RSRC1: variants seen among roughly 807,000 people sequenced by gnomAD.
RSRC1 encodes serine/Arginine-related protein 53.
RSRC1 carries 39 observed loss-of-function variants against 49.1 expected under a neutral mutation model. That is an observed-to-expected ratio of 0.79 (90% CI 0.61 to 1.04). The LOEUF is 1.04. Ranked by LOEUF, RSRC1 falls within the 50% of genes least tolerant of loss-of-function variation. The pLI is 0.00. For synonymous variants in RSRC1, 143 were observed against 130.8 expected (o/e 1.09, Z -0.63); for missense variants, 388 against 402.4 (o/e 0.96, Z 0.31).
intron 4 of RSRC1, among the ~76,000 whole-genome samples, chr3:158,227,926 C>T (rs1333468291): frequency 6.6e-6 from 1 of 151,986 alleles, no homozygotes; most frequent in Non-Finnish European, 1.5e-5. Context: ...TAGTTTGTCA[C>T]CTCCTGGTCT....
chr3:158,452,246 G>T (rs867680655), intron 6 of RSRC1, among the ~76,000 whole-genome samples: 2 of 152,044 alleles, frequency 1.3e-5, no homozygotes, highest in East Asian at 1.9e-4. Context: ...TTTAATTTTC[G>T]TGGGCCTTTC....
At chr3:158,533,614 A>G (rs1712540849) in intron 7 of RSRC1, among the ~76,000 whole-genome samples, 2 of 151,702 alleles carry the variant, frequency 1.3e-5, no homozygotes, top group Non-Finnish European at 1.5e-5. Flanking sequence ...AACTCCAAAT[A>G]GAGAATATGT....
In RSRC1 at chr3:158,373,387, G is replaced by A. The variant is rs189626846; in HGVS notation, c.583+18479G>A. Among the ~76,000 whole-genome samples the A allele has an allele frequency of 2.0e-4, 31 of 151,790 alleles. No individual in the cohort carries two copies. In the East Asian group the frequency reaches 3.3e-3, roughly 16 times the overall value. ...GTTTTTCATAGATGACTTTTTTTAC[G>A]TTGAGGACGTTTTCTTCTATTCTTA... is the stretch of plus-strand genomic sequence containing the variant. On this transcript the variant is annotated intron_variant, in intron 6 of 9. Coordinates refer to ENST00000611884, the MANE Select transcript of RSRC1 (RefSeq NM_001271838.2).
intron 5 of RSRC1, among the ~76,000 whole-genome samples, chr3:158,302,164 C>T (rs977579713): frequency 6.6e-6 from 1 of 151,690 alleles, no homozygotes; most frequent in African/African-American, 2.4e-5. Context: ...TGCATGCCTT[C>T]CACAGTTGTA....
chr3:158,505,302 C>T (rs1356041777), intron 7 of RSRC1, among the ~76,000 whole-genome samples: 1 of 152,198 alleles, frequency 6.6e-6, no homozygotes, highest in Non-Finnish European at 1.5e-5. Context: ...AAGCACCTGT[C>T]ACCCTGGAGG....
chr3:158,354,999 C>T, intron 6 of RSRC1, 91 bp downstream of exon 6: 1 of 729,596 alleles, frequency 1.4e-6, no homozygotes, highest in East Asian at 3.2e-5. Context: ...AAAAAAAAAA[C>T]ACTATTTTTA....
intron 6 of RSRC1, among the ~76,000 whole-genome samples, chr3:158,356,550 ATTTATC>A (rs1489315201): frequency 6.6e-6 from 1 of 151,828 alleles, no homozygotes; most frequent in Non-Finnish European, 1.5e-5. Flanking sequence ...TTTTTATCTT[ATTTATC>A]TTTATGTAGA....
At chr3:158,252,515 G>T (rs1302373265) in intron 4 of RSRC1, among the ~76,000 whole-genome samples, 1 of 152,120 alleles carries the variant, frequency 6.6e-6, no homozygotes, top group Non-Finnish European at 1.5e-5. Flanking sequence ...GAGGATTTTT[G>T]CATCAATGTT....
chr3:158,401,441 C>A (rs184650867), intron 6 of RSRC1, among the ~76,000 whole-genome samples: 1 of 151,970 alleles, frequency 6.6e-6, no homozygotes. Flanking sequence ...TTATAGATTG[C>A]GATAGGACGG....
chr3:158,320,154 G>A (rs1257323168), intron 5 of RSRC1, among the ~76,000 whole-genome samples: 1 of 152,166 alleles, frequency 6.6e-6, no homozygotes, highest in Non-Finnish European at 1.5e-5. Flanking sequence ...AGCCTAAGAG[G>A]TATTGCTCAC....
intron 4 of RSRC1, among the ~76,000 whole-genome samples, chr3:158,274,452 ATCTTT>A (rs200602037): frequency 0.016 from 2,443 of 151,422 alleles, 82 homozygotes; most frequent in African/African-American, 0.056. Flanking sequence ...ATGACTTAGG[ATCTTT>A]TCTTTTTTTT....
chr3:158,339,280 C>CA (rs1303186737), intron 5 of RSRC1, among the ~76,000 whole-genome samples: 3 of 113,768 alleles, frequency 2.6e-5, no homozygotes, highest in African/African-American at 1.1e-4. Flanking sequence ...GCCTGGGCGA[C>CA]AGAGCGAGAC....
Position 158,202,562 on chromosome 3 carries a change from T to TTATATATA in RSRC1, c.321-498_321-491dup, listed in dbSNP as rs56789942. ...TCTGTAGGGTTGTCAGTCTGGTAGA[T>TTATATATA]TATATATATATATATATATGTTTTA... On this transcript the variant is annotated intron_variant, in intron 3 of 9. Transcript: ENST00000611884. 3.6e-4 allele frequency among the ~76,000 whole-genome samples: 33 copies of TTATATATA among 91,996 alleles called. 2 individuals are homozygous for TTATATATA. Among genetic ancestry groups the TTATATATA allele is most frequent in the African/African-American group, 1.1e-3 (21 of 18,930 alleles). 60.4% of individuals were successfully genotyped at this position (91,996 alleles called of 152,430 possible).
At chr3:158,396,477 A>C (rs1733618751) in intron 6 of RSRC1, among the ~76,000 whole-genome samples, 1 of 151,862 alleles carries the variant, frequency 6.6e-6, no homozygotes, top group Non-Finnish European at 1.5e-5. Context: ...CATCTGTGAT[A>C]ATTTGTTCAT....
At chr3:158,228,400 AGTATT>A (rs1722642651) in intron 4 of RSRC1, among the ~76,000 whole-genome samples, 1 of 151,192 alleles carries the variant, frequency 6.6e-6, no homozygotes, top group Non-Finnish European at 1.5e-5. Flanking sequence ...CCAAGAGGGT[AGTATT>A]ACCTTTATAA....
At chr3:158,488,397 C>A (rs1385255298) in intron 7 of RSRC1, among the ~76,000 whole-genome samples, 3 of 151,938 alleles carry the variant, frequency 2.0e-5, no homozygotes, top group South Asian at 2.1e-4. Context: ...GATATTAATA[C>A]CTGTATCACA....
rs147271173 is a variant in RSRC1, at chr3:158,544,526, GTC to G, written c.*253_*254del. The G allele has an allele frequency of 4.8e-3, 1,242 of 258,516 alleles. 21 individuals are homozygous for G. The highest frequency in any genetic ancestry group is 0.026 in the African/African-American group (1,167 of 44,786). 16.0% of individuals were successfully genotyped at this position (258,516 alleles called of 1,614,324 possible). A position where few individuals can be genotyped will look rare whatever the true frequency, so the allele number is the denominator to read the frequency against. ...TGTTAATAAAGCTAAACATAAATAA[GTC>G]TGTTAAAATGAATGGTAGACACTAG... On this transcript the variant is annotated 3_prime_UTR_variant, in exon 10 of 10. Coordinates refer to ENST00000611884, the MANE Select transcript of RSRC1 (RefSeq NM_001271838.2).
intron 7 of RSRC1, among the ~76,000 whole-genome samples, chr3:158,535,079 T>C (rs1712644879): frequency 6.6e-6 from 1 of 151,372 alleles, no homozygotes; most frequent in South Asian, 2.1e-4. Context: ...AGACCTAAAA[T>C]ATTTTTTCAA....
At chr3:158,179,537 C>G (rs1281204923) in intron 3 of RSRC1, among the ~76,000 whole-genome samples, 1 of 152,056 alleles carries the variant, frequency 6.6e-6, no homozygotes, top group Admixed American at 6.6e-5. Flanking sequence ...CTCACCATAA[C>G]CCCCTGGAGA....
Sources: gnomAD v4.1 joint callset for allele counts (sites outside exome capture counted in the v4.1 genomes callset) on GRCh38, gnomAD v4.1.1 for gene constraint, MANE v1.5 for transcripts, NCBI Gene and HGNC (gene_info 2026-07-23, HGNC 2026-07-21) for gene names.